Variants in LYPD6B observed in about 807,000 individuals in gnomAD.
The protein encoded by LYPD6B is LY6/PLAUR domain containing 6B.
Under a neutral mutation model 22.8 loss-of-function variants are expected in LYPD6B, and 17 were observed. The observed-to-expected ratio is 0.75, with a 90% CI of 0.51 to 1.12. The LOEUF (loss-of-function observed/expected upper bound fraction) is 1.12. Ranked by LOEUF, LYPD6B falls within the 50% of genes most tolerant of loss-of-function variation. The pLI is 0.00. For synonymous variants in LYPD6B, 106 were observed against 91.6 expected (o/e 1.16, Z -0.90); for missense variants, 221 against 258.3 (o/e 0.86, Z 0.99).
At chr2:149,161,180 G>A (rs531343029) in intron 3 of LYPD6B, among the ~76,000 whole-genome samples, 2 of 152,250 alleles carry the variant, frequency 1.3e-5, no homozygotes, top group African/African-American at 2.4e-5. Flanking sequence ...GGGGTGCGTC[G>A]GGGGTGTGGA....
rs547443430 is a variant in LYPD6B at position 149,115,576 on chromosome 2, A to G, written c.-66-15307A>G. Among the ~76,000 whole-genome samples the G allele has an allele frequency of 2.6e-5, 4 of 152,242 alleles. No individual in the cohort carries two copies. In the East Asian group the frequency reaches 7.7e-4, roughly 29 times the overall value. ...TTTGAGCCAGATCACTTAATTGCTT[A>G]TGTGAGACCTGTTAGGACTCTCTTC... On this transcript the variant is annotated intron_variant, in intron 1 of 6. Coordinates refer to ENST00000409642, the MANE Select transcript of LYPD6B (RefSeq NM_177964.5).
intron 1 of LYPD6B, among the ~76,000 whole-genome samples, chr2:149,129,716 T>C (rs1687909250): frequency 6.6e-6 from 1 of 152,204 alleles, no homozygotes; most frequent in African/African-American, 2.4e-5. Context: ...GGTGCTAAGA[T>C]GAGGTAGGTA....
At chr2:149,130,100 C>G (rs1687935819) in intron 1 of LYPD6B, among the ~76,000 whole-genome samples, 1 of 152,162 alleles carries the variant, frequency 6.6e-6, no homozygotes, top group South Asian at 2.1e-4. Flanking sequence ...CAGCTTTTCT[C>G]CCTCCAACTC....
chr2:149,040,216 TCTCTC>T (rs138518061), intron 1 of LYPD6B, among the ~76,000 whole-genome samples: 68,907 of 137,994 alleles, frequency 0.5, 19,250 homozygotes, highest in Non-Finnish European at 0.62. Context: ...TCTCTCTCTC[TCTCTC>T]TTTTTTTTTT....
At chr2:149,130,394 T>G (rs1172882556) in intron 1 of LYPD6B, among the ~76,000 whole-genome samples, 1 of 152,190 alleles carries the variant, frequency 6.6e-6, no homozygotes, top group African/African-American at 2.4e-5. Flanking sequence ...GAGTCTTTAT[T>G]TAGGCACACA....
intron 1 of LYPD6B, among the ~76,000 whole-genome samples, chr2:149,072,931 G>C (rs948570803): frequency 2.0e-5 from 3 of 152,164 alleles, no homozygotes; most frequent in African/African-American, 7.2e-5. Context: ...AGGTACTTAT[G>C]GGGAGAGATT....
rs1558985913 is a variant in LYPD6B, at chr2:149,080,867, ACC to A, written c.-67+42067_-67+42068del. On this transcript the variant is annotated intron_variant, in intron 1 of 6. Transcript: ENST00000409642. The stretch of plus-strand genomic sequence containing the variant: ...AAAAAAAAAAAAAAAAAAAAAAAAA[ACC>A]ACACAAAAAAATTCAGTATATTAGG... Among the ~76,000 whole-genome samples the A allele has an allele frequency of 7.3e-4, 79 of 108,602 alleles. 4 individuals are homozygous for A. Among genetic ancestry groups the A allele is most frequent in the African/African-American group, 2.0e-3 (53 of 26,828 alleles). 71.2% of individuals were successfully genotyped at this position (108,602 alleles called of 152,430 possible).
At chr2:149,163,048 G>C (rs947752017) in intron 3 of LYPD6B, among the ~76,000 whole-genome samples, 1 of 151,878 alleles carries the variant, frequency 6.6e-6, no homozygotes, top group African/African-American at 2.4e-5. Flanking sequence ...GGGTCTCTGT[G>C]GGGGGTGGGG....
At chr2:149,188,899 G>A (rs974289987) in intron 3 of LYPD6B, among the ~76,000 whole-genome samples, 4 of 152,046 alleles carry the variant, frequency 2.6e-5, no homozygotes, top group African/African-American at 4.8e-5. Context: ...AGGAAACTGA[G>A]GCACTGAGAG....
At chr2:149,138,085 C>T (rs77055211) in intron 2 of LYPD6B, among the ~76,000 whole-genome samples, 1,689 of 152,230 alleles carry the variant, frequency 0.011, 15 homozygotes, top group Non-Finnish European at 0.017. Context: ...TTCTTTCCTC[C>T]TGAGTTGAAG....
At chr2:149,096,331 G>A (rs1467638259) in intron 1 of LYPD6B, among the ~76,000 whole-genome samples, 9 of 152,192 alleles carry the variant, frequency 5.9e-5, no homozygotes, top group Non-Finnish European at 1.0e-4. Flanking sequence ...GTCTGAGGAG[G>A]TCATGTGTTT....
intron 1 of LYPD6B, among the ~76,000 whole-genome samples, chr2:149,085,798 A>G (rs1230684721): frequency 6.6e-6 from 1 of 152,240 alleles, no homozygotes; most frequent in Non-Finnish European, 1.5e-5. Context: ...ACTTTTCTTA[A>G]TAAGTTTTTG....
intron 1 of LYPD6B, among the ~76,000 whole-genome samples, chr2:149,126,848 C>G (rs986433457): frequency 6.6e-6 from 1 of 152,130 alleles, no homozygotes; most frequent in Non-Finnish European, 1.5e-5. Context: ...TGTGTTCAAC[C>G]TTTTTCTTCT....
intron 4 of LYPD6B, among the ~76,000 whole-genome samples, chr2:149,207,372 A>G (rs1024220931): frequency 1.6e-4 from 24 of 152,172 alleles, no homozygotes; most frequent in African/African-American, 5.5e-4. Flanking sequence ...TGTTACTAAT[A>G]GAATGAAGAG....
intron 1 of LYPD6B, among the ~76,000 whole-genome samples, chr2:149,080,068 A>C (rs1685056406): frequency 6.6e-6 from 1 of 152,198 alleles, no homozygotes; most frequent in Non-Finnish European, 1.5e-5. Context: ...GCCATAACAG[A>C]GTAACAAACT....
At chr2:149,165,991 A>G (rs960556570) in intron 3 of LYPD6B, among the ~76,000 whole-genome samples, 5 of 152,182 alleles carry the variant, frequency 3.3e-5, no homozygotes, top group Non-Finnish European at 7.3e-5. Context: ...CATGGAACAC[A>G]CAGTAATTCT....
chr2:149,193,048 C>T (rs1467622052), intron 3 of LYPD6B, among the ~76,000 whole-genome samples: 1 of 152,106 alleles, frequency 6.6e-6, no homozygotes, highest in African/African-American at 2.4e-5. Context: ...TAGAAGTCAT[C>T]TTTGCCATCA....
At chr2:149,097,427 A>G (rs1011661339) in intron 1 of LYPD6B, among the ~76,000 whole-genome samples, 1 of 152,244 alleles carries the variant, frequency 6.6e-6, no homozygotes, top group Non-Finnish European at 1.5e-5. Flanking sequence ...AGGACACCCA[A>G]TTAAACCCGA....
Position 149,214,881 on chromosome 2 carries a change from A to G in LYPD6B, c.*171A>G, listed in dbSNP as rs1374013898. ...GGATAAAATGTTCCCGCATGAGGCC[A>G]CAGGACTGAGGATGGGAATTTGGCA... On this transcript the variant is annotated 3_prime_UTR_variant, in exon 7 of 7. Transcript: ENST00000409642. 4 of 699,006 alleles carry G rather than the reference A, an allele frequency of 5.7e-6. No homozygotes were observed. The highest frequency in any genetic ancestry group is 5.2e-5 in the East Asian group (2 of 38,722). 43.3% of individuals were successfully genotyped at this position (699,006 alleles called of 1,614,324 possible).
Sources: allele counts gnomAD v4.1 joint callset (sites outside exome capture counted in the v4.1 genomes callset), GRCh38; gene constraint gnomAD v4.1.1; transcripts MANE v1.5; gene names NCBI Gene and HGNC (gene_info 2026-07-23, HGNC 2026-07-21).